Variants in TRAPPC9 observed in about 807,000 individuals in gnomAD.
TRAPPC9 encodes the protein IKK2 binding protein.
In TRAPPC9, 83 loss-of-function variants were observed where a neutral mutation model predicts 124.0. That is an observed-to-expected ratio of 0.67 (90% CI 0.56 to 0.80). TRAPPC9 has a LOEUF of 0.80. TRAPPC9 is among the 30% of genes least tolerant of loss of function. The probability of loss-of-function intolerance (pLI) is 0.00; values close to 1 mark genes in which losing one functional copy is unlikely to be tolerated. For synonymous variants in TRAPPC9, 638 were observed against 617.5 expected, an observed-to-expected ratio of 1.03 and a Z score of -0.49; for missense variants, 1,302 against 1,508.3, an observed-to-expected ratio of 0.86 and a Z score of 2.27.
chr8:140,109,471 A>T (rs1038355201), intron 17 of TRAPPC9, among the ~76,000 whole-genome samples: 10 of 152,218 alleles, frequency 6.6e-5, no homozygotes, highest in African/African-American at 2.4e-4. Flanking sequence ...AAAACAGACC[A>T]TGTGGTACAG....
At chr8:140,457,220 A>G (rs2071706969) in intron 1 of TRAPPC9, among the ~76,000 whole-genome samples, 1 of 152,062 alleles carries the variant, frequency 6.6e-6, no homozygotes, top group Non-Finnish European at 1.5e-5. Context: ...GGGCTTAGCC[A>G]GGCCCAGGGG....
intron 21 of TRAPPC9, among the ~76,000 whole-genome samples, chr8:139,830,776 C>T (rs1825939055): frequency 6.6e-6 from 1 of 152,230 alleles, no homozygotes; most frequent in Non-Finnish European, 1.5e-5. Context: ...ACACCAGCCT[C>T]GGCTGCTGCA....
chr8:140,183,945 A>G (rs1587874305), intron 17 of TRAPPC9, among the ~76,000 whole-genome samples: 2 of 27,898 alleles, frequency 7.2e-5, no homozygotes, highest in African/African-American at 2.2e-4. Context: ...AGGAGAGGAG[A>G]GGAGAGGGGA....
intron 17 of TRAPPC9, among the ~76,000 whole-genome samples, chr8:140,110,340 GCAGCAGC>G (rs2060743803): frequency 3.1e-5 from 1 of 32,298 alleles, no homozygotes; most frequent in East Asian, 1.4e-3. Flanking sequence ...GCTCCCTCCT[GCAGCAGC>G]TCCCTCCTGC....
At chr8:140,361,859 C>T (rs904245637) in intron 8 of TRAPPC9, among the ~76,000 whole-genome samples, 9 of 152,224 alleles carry the variant, frequency 5.9e-5, no homozygotes, top group African/African-American at 1.7e-4. Context: ...GGCTGACTGG[C>T]GAGCAAACAG....
At position 140,329,915 on chromosome 8, in the gene TRAPPC9, T is replaced by TA. The variant is rs548637333; in HGVS notation, c.1496-18542dup. Reference sequence around the variant, plus strand: ...CAATGTGGTGAAACCCCGTCTCTACTAAAAAAATACAAAAATTACCCAGGT... The same window carrying TA: ...CAATGTGGTGAAACCCCGTCTCTACTAAAAAAAATACAAAAATTACCCAGGT... On this transcript the variant is annotated intron_variant, in intron 9 of 22. Coordinates refer to ENST00000438773, the MANE Select transcript of TRAPPC9 (RefSeq NM_001160372.4). Among the ~76,000 whole-genome samples, 240 of 151,970 alleles carry TA rather than the reference T, an allele frequency of 1.6e-3. 1 individual carries two copies. Among genetic ancestry groups the TA allele is most frequent in the East Asian group, 6.6e-3 (34 of 5,146 alleles).
chr8:139,830,136 C>T (rs778913390), intron 21 of TRAPPC9, among the ~76,000 whole-genome samples: 1 of 152,226 alleles, frequency 6.6e-6, no homozygotes, highest in African/African-American at 2.4e-5. Flanking sequence ...CTGTGGCCTG[C>T]TAGCACGCAA....
intron 20 of TRAPPC9, among the ~76,000 whole-genome samples, chr8:139,889,800 G>A (rs1830222512): frequency 1.3e-5 from 2 of 152,340 alleles, no homozygotes; most frequent in South Asian, 2.1e-4. Flanking sequence ...AGGAAGCACT[G>A]GACAAGGACA....
chr8:139,727,751 G>C lies in TRAPPC9; in HGVS notation c.*3310C>G, dbSNP rs369669714. Among the ~76,000 whole-genome samples, 15 of 152,274 alleles carry C rather than the reference G, an allele frequency of 9.9e-5. 1 individual carries two copies. The South Asian group carries it at 2.1e-3, about 21-fold the overall frequency. On this transcript the variant is annotated 3_prime_UTR_variant, in exon 23 of 23. Coordinates refer to ENST00000438773, the MANE Select transcript of TRAPPC9 (RefSeq NM_001160372.4). ...TTGCTTGAATACTTCTATTGACAAA[G>C]AGCTCACTCCATCAGCATTTCCTGT...
chr8:140,204,014 G>T (rs908363422), intron 17 of TRAPPC9, among the ~76,000 whole-genome samples: 11 of 152,138 alleles, frequency 7.2e-5, no homozygotes, highest in Non-Finnish European at 1.5e-4. Context: ...TTGGATGTTT[G>T]GTCTCCTCCA....
chr8:139,761,060 G>A (rs776191848), intron 21 of TRAPPC9, among the ~76,000 whole-genome samples: 3 of 152,200 alleles, frequency 2.0e-5, no homozygotes. Context: ...AGGCCTCCCT[G>A]GGCCAACAGC....
chr8:140,330,101 A>G (rs900173143), intron 9 of TRAPPC9, among the ~76,000 whole-genome samples: 1 of 151,850 alleles, frequency 6.6e-6, no homozygotes, highest in East Asian at 1.9e-4. Flanking sequence ...AAACACCTCA[A>G]TGCTATATGT....
chr8:139,816,881 C>T (rs1268199225), intron 21 of TRAPPC9, among the ~76,000 whole-genome samples: 1 of 152,058 alleles, frequency 6.6e-6, no homozygotes, highest in Non-Finnish European at 1.5e-5. Context: ...ACTGCACATG[C>T]AGGCACAGTC....
At chr8:139,793,193 T>C (rs1822818970) in intron 21 of TRAPPC9, among the ~76,000 whole-genome samples, 1 of 152,136 alleles carries the variant, frequency 6.6e-6, no homozygotes, top group African/African-American at 2.4e-5. Context: ...CTGTCAGGAC[T>C]AAACCAGGGG....
chr8:140,000,828 C>A (rs1043296417), intron 18 of TRAPPC9, among the ~76,000 whole-genome samples: 12 of 152,076 alleles, frequency 7.9e-5, no homozygotes, highest in Non-Finnish European at 1.6e-4. Flanking sequence ...GTGTGGCGAT[C>A]CCTCAAGGAT....
At chr8:140,042,786 C>T (rs1212034268) in intron 17 of TRAPPC9, among the ~76,000 whole-genome samples, 1 of 152,244 alleles carries the variant, frequency 6.6e-6, no homozygotes, top group Non-Finnish European at 1.5e-5. Context: ...CGCAGTTATT[C>T]AACGACTCTT....
At chr8:140,125,256 C>T (rs1392894847) in intron 17 of TRAPPC9, among the ~76,000 whole-genome samples, 3 of 152,130 alleles carry the variant, frequency 2.0e-5, no homozygotes, top group African/African-American at 7.2e-5. Flanking sequence ...TCGGAGGGAA[C>T]CACCAAGCTG....
intron 17 of TRAPPC9, among the ~76,000 whole-genome samples, chr8:140,201,428 G>T (rs564285348): frequency 1.3e-5 from 2 of 152,140 alleles, no homozygotes; most frequent in Admixed American, 1.3e-4. Context: ...ACTGTTTCTG[G>T]ATTTTTCCAA....
chr8:139,948,796 G>A (rs1237663607), intron 19 of TRAPPC9, among the ~76,000 whole-genome samples: 1 of 152,168 alleles, frequency 6.6e-6, no homozygotes, highest in African/African-American at 2.4e-5. Flanking sequence ...GACAATAACA[G>A]GCCAAGCTCA....
Sources: gnomAD v4.1 joint callset for allele counts (sites outside exome capture counted in the v4.1 genomes callset) on GRCh38, gnomAD v4.1.1 for gene constraint, MANE v1.5 for transcripts, NCBI Gene and HGNC (gene_info 2026-07-23, HGNC 2026-07-21) for gene names.